The following MPZL3 variants were observed in gnomAD, a reference collection of about 807,000 sequenced individuals.
MPZL3 encodes myelin protein zero-like protein 3.
Under a neutral mutation model 24.8 loss-of-function variants are expected in MPZL3, and 23 were observed. The ratio of observed to expected loss-of-function variants is 0.93; its 90% CI spans 0.67 to 1.31. The LOEUF (loss-of-function observed/expected upper bound fraction) is 1.31, where lower values mean the gene tolerates loss of function less well. Among genes scored for constraint, MPZL3 ranks in the 40% most tolerant of loss-of-function variants. The pLI is 0.00. For synonymous variants in MPZL3, 99 were observed against 106.5 expected (o/e 0.93, Z 0.44); for missense variants, 277 against 294.9 (o/e 0.94, Z 0.44).
intron 1 of MPZL3, 142 bp from the exon 2 acceptor site, chr11:118,240,519 G>A (rs2134706694): frequency 4.0e-6 from 3 of 741,710 alleles, no homozygotes. Flanking sequence ...AAGCCCACAA[G>A]GGACAAGGAG....
chr11:118,236,606 T>C (rs1026147434), intron 3 of MPZL3, among the ~76,000 whole-genome samples: 1 of 152,186 alleles, frequency 6.6e-6, no homozygotes, highest in Non-Finnish European at 1.5e-5. Flanking sequence ...TACTGTTCTT[T>C]GCAGCATAAA....
In MPZL3 at chr11:118,233,454, A is replaced by T. The variant is rs1402843649; in HGVS notation, c.681+6T>A. ...ACAGTAAGCAGAAGGAATGGCATGC[A>T]CTTACCAGGCACTCAGCGCAACGGA... On this transcript the variant is annotated splice_donor_region_variant and intron_variant, in intron 5 of 5. Transcript: ENST00000278949. 1 of 1,613,784 alleles carries T rather than the reference A, an allele frequency of 6.2e-7. No homozygotes were observed. Among genetic ancestry groups the T allele is most frequent in the Non-Finnish European group, 8.5e-7 (1 of 1,179,798 alleles).
At chr11:118,244,211 A>C (rs1949531030) in intron 1 of MPZL3, among the ~76,000 whole-genome samples, 1 of 152,218 alleles carries the variant, frequency 6.6e-6, no homozygotes, top group African/African-American at 2.4e-5. Flanking sequence ...CTTCAAACAT[A>C]CATTTCTTGA....
intron 5 of MPZL3, among the ~76,000 whole-genome samples, chr11:118,231,478 T>C (rs1949350593): frequency 6.6e-6 from 1 of 152,076 alleles, no homozygotes; most frequent in African/African-American, 2.4e-5. Flanking sequence ...GTTATCAGTC[T>C]CTATCTGCTA....
chr11:118,252,176 C>T (rs748243458), intron 1 of MPZL3, 46 bp downstream of exon 1: 3 of 1,605,192 alleles, frequency 1.9e-6, no homozygotes, highest in East Asian at 4.5e-5. Context: ...ACCATCTTCC[C>T]TAACCCCCCG....
intron 3 of MPZL3, among the ~76,000 whole-genome samples, chr11:118,236,463 T>A (rs573075131): frequency 3.3e-5 from 5 of 152,194 alleles, no homozygotes; most frequent in African/African-American, 1.2e-4. Context: ...TAATGACCCA[T>A]AATGTACCTC....
chr11:118,234,520 G>C (rs536367228), intron 4 of MPZL3, among the ~76,000 whole-genome samples: 3 of 152,174 alleles, frequency 2.0e-5, no homozygotes, highest in Non-Finnish European at 4.4e-5. Flanking sequence ...ATGAAGTATA[G>C]TATGTTAGGG....
At chr11:118,233,635 C>A in intron 4 of MPZL3, 112 bp from the exon 5 acceptor site, 1 of 1,068,968 alleles carries the variant, frequency 9.4e-7, no homozygotes, top group South Asian at 1.3e-5. Context: ...TCCAGTTCTT[C>A]CACTCACTAG....
chr11:118,249,309 T>C (rs957739875), intron 1 of MPZL3, among the ~76,000 whole-genome samples: 1 of 152,210 alleles, frequency 6.6e-6, no homozygotes, highest in Admixed American at 6.5e-5. Flanking sequence ...CATTGAGCTG[T>C]ATAGGCTTAT....
chr11:118,228,480 T>C lies in MPZL3; in HGVS notation c.*1414A>G, dbSNP rs897932510. 1.3e-5 allele frequency: 2 copies of C among 152,350 alleles called. No individual in the cohort carries two copies. Among genetic ancestry groups the C allele is most frequent in the South Asian group, 4.1e-4 (2 of 4,834 alleles). The allele number at this position is 152,350 out of a possible 1,614,324, so 9.4% of individuals were successfully genotyped here. A position where few individuals can be genotyped will look rare whatever the true frequency, so the allele number is the denominator to read the frequency against. ...CATCTTTACTGATATACTATACATA[T>C]GCCTTAATGGCTTATAAAAAATCCT... On this transcript the variant is annotated 3_prime_UTR_variant, in exon 6 of 6. Transcript: ENST00000278949.
chr11:118,241,013 G>A (rs1949491167), intron 1 of MPZL3, among the ~76,000 whole-genome samples: 1 of 152,104 alleles, frequency 6.6e-6, no homozygotes, highest in Non-Finnish European at 1.5e-5. Context: ...AAATCATGGA[G>A]AAGAAAACAG....
Position 118,228,522 on chromosome 11 carries a change from GA to G in MPZL3, c.*1371del, listed in dbSNP as rs1949302528. ...AAAAATCCTATGTAAATTAACATTTGAAACAAGTTGTCATAGCAGAATGGAG... is the reference window on the plus strand; with the variant it reads ...AAAAATCCTATGTAAATTAACATTTGAACAAGTTGTCATAGCAGAATGGAG... On this transcript the variant is annotated 3_prime_UTR_variant, in exon 6 of 6. Transcript: ENST00000278949. 6.6e-6 allele frequency: 1 copy of G among 152,146 alleles called. No individual in the cohort carries two copies. The highest frequency in any genetic ancestry group is 2.4e-5 in the African/African-American group (1 of 41,428). 9.4% of individuals were successfully genotyped at this position (152,146 alleles called of 1,614,324 possible).
In MPZL3 at chr11:118,228,962, A is replaced by T. The variant is rs1020573612; in HGVS notation, c.*932T>A. The T allele has an allele frequency of 1.3e-5, 2 of 152,144 alleles. No individual in the cohort carries two copies. Among genetic ancestry groups the T allele is most frequent in the African/African-American group, 4.8e-5 (2 of 41,378 alleles). 9.4% of individuals were successfully genotyped at this position (152,144 alleles called of 1,614,324 possible). A position where few individuals can be genotyped will look rare whatever the true frequency, so the allele number is the denominator to read the frequency against. On this transcript the variant is annotated 3_prime_UTR_variant, in exon 6 of 6. Transcript: ENST00000278949. ...GCCAAAATGGTGAAACCCCGTCTCT[A>T]CTAAAAACACAAAAATTAGCTGGGT...
intron 1 of MPZL3, among the ~76,000 whole-genome samples, chr11:118,249,240 CA>C (rs1224942821): frequency 2.0e-5 from 3 of 152,164 alleles, no homozygotes; most frequent in African/African-American, 7.2e-5. Flanking sequence ...ATGCAAGGAA[CA>C]TTTTATATAT....
At chr11:118,234,034 C>T (rs956137136) in intron 4 of MPZL3, among the ~76,000 whole-genome samples, 3 of 151,972 alleles carry the variant, frequency 2.0e-5, no homozygotes, top group Non-Finnish European at 4.4e-5. Flanking sequence ...ATATTACCAC[C>T]CACCCTTAAA....
In MPZL3 at chr11:118,227,485, T is replaced by C. The variant is rs1949285373; in HGVS notation, c.*2409A>G. On this transcript the variant is annotated 3_prime_UTR_variant, in exon 6 of 6. Coordinates refer to ENST00000278949, the MANE Select transcript of MPZL3 (RefSeq NM_198275.3). ...TGATCCTTCGAAGAATAAAAAGCTG[T>C]AACCCAAATCTCAGTATAAGGGATG... The C allele has an allele frequency of 1.3e-5, 2 of 152,334 alleles. No homozygotes were observed. The highest frequency in any genetic ancestry group is 4.1e-4 in the South Asian group (2 of 4,830). 9.4% of individuals were successfully genotyped at this position (152,334 alleles called of 1,614,324 possible). A position where few individuals can be genotyped will look rare whatever the true frequency, so the allele number is the denominator to read the frequency against.
intron 1 of MPZL3, among the ~76,000 whole-genome samples, chr11:118,250,164 G>A (rs1949602384): frequency 7.6e-6 from 1 of 131,556 alleles, no homozygotes; most frequent in Middle Eastern, 3.8e-3. Context: ...ACCACACCTG[G>A]CTAATTTTTT....
At chr11:118,251,435 A>G (rs1253639134) in intron 1 of MPZL3, among the ~76,000 whole-genome samples, 1 of 152,122 alleles carries the variant, frequency 6.6e-6, no homozygotes, top group Non-Finnish European at 1.5e-5. Context: ...TACTAGATAT[A>G]CTAATATTTT....
At chr11:118,238,541 C>T (rs1949453685) in intron 2 of MPZL3, among the ~76,000 whole-genome samples, 1 of 152,200 alleles carries the variant, frequency 6.6e-6, no homozygotes, top group Non-Finnish European at 1.5e-5. Flanking sequence ...ATGCAAAATA[C>T]AGGCTTTCCT....
Sources: gnomAD v4.1 joint callset for allele counts (sites outside exome capture counted in the v4.1 genomes callset) on GRCh38, gnomAD v4.1.1 for gene constraint, MANE v1.5 for transcripts, NCBI Gene and HGNC (gene_info 2026-07-23, HGNC 2026-07-21) for gene names.